CDC123: variants seen among roughly 807,000 people sequenced by gnomAD.
The protein encoded by CDC123 is cell division cycle 123, also known as translation initiation factor eIF2 assembly protein.
Under a neutral mutation model 54.4 loss-of-function variants are expected in CDC123, and 37 were observed. That is an observed-to-expected ratio of 0.68 (90% CI 0.52 to 0.89). The LOEUF is 0.89. CDC123 is among the 40% of genes least tolerant of loss of function. CDC123 has a pLI of 0.00. For missense variants in CDC123, 361 were observed against 412.1 expected (o/e 0.88, Z 1.07); for synonymous variants, 144 against 136.8 (o/e 1.05, Z -0.37).
At chr10:12,246,452 A>T in intron 11 of CDC123, 175 bp downstream of exon 11, 1 of 600,840 alleles carries the variant, frequency 1.7e-6, no homozygotes, top group Non-Finnish European at 2.8e-6. Flanking sequence ...AGGGGGCCCC[A>T]CTTAACTTTA....
intron 10 of CDC123, among the ~76,000 whole-genome samples, chr10:12,238,974 A>G (rs1836016741): frequency 6.6e-6 from 1 of 151,780 alleles, no homozygotes; most frequent in African/African-American, 2.4e-5. Context: ...TGGGCAACAG[A>G]GCGAGACTCT....
chr10:12,223,142 C>T (rs1835759971), intron 6 of CDC123, among the ~76,000 whole-genome samples: 1 of 152,060 alleles, frequency 6.6e-6, no homozygotes. Context: ...GATCCGCCCA[C>T]CTTGGTCTCC....
chr10:12,206,958 CAAA>C (rs35906839), intron 2 of CDC123, among the ~76,000 whole-genome samples: 8 of 100,906 alleles, frequency 7.9e-5, no homozygotes, highest in Non-Finnish European at 6.1e-5. Context: ...GACTCCATCT[CAAA>C]AAAAAAAAAA....
chr10:12,237,594 C>T (rs186397434), intron 9 of CDC123: 132 of 155,858 alleles, frequency 8.5e-4, no homozygotes, highest in Admixed American at 1.6e-3. Context: ...TCACCACACC[C>T]GGCTAATTTT....
At chr10:12,221,755 T>A (rs901780298) in intron 6 of CDC123, among the ~76,000 whole-genome samples, 17 of 150,730 alleles carry the variant, frequency 1.1e-4, no homozygotes, top group African/African-American at 2.4e-4. Flanking sequence ...ATTTATTTTT[T>A]AAATAAATTT....
At chr10:12,235,938 C>T (rs1004632204) in intron 8 of CDC123, among the ~76,000 whole-genome samples, 1 of 152,182 alleles carries the variant, frequency 6.6e-6, no homozygotes, top group Non-Finnish European at 1.5e-5. Flanking sequence ...GGAGCAAATT[C>T]AGGGAGTTTG....
intron 6 of CDC123, among the ~76,000 whole-genome samples, chr10:12,223,881 A>C (rs1410277067): frequency 6.6e-6 from 1 of 151,718 alleles, no homozygotes; most frequent in Non-Finnish European, 1.5e-5. Context: ...TTTTTATTTC[A>C]GTAGGTTTGG....
chr10:12,209,403 A>G (rs547386252), intron 2 of CDC123, among the ~76,000 whole-genome samples: 15 of 151,854 alleles, frequency 9.9e-5, no homozygotes, highest in Non-Finnish European at 2.1e-4. Context: ...CACCTGGATA[A>G]TTTTTAATTT....
In CDC123 at chr10:12,200,120, A is replaced by C. The variant is rs112605963; in HGVS notation, c.146+1344A>C. Among the ~76,000 whole-genome samples the C allele has an allele frequency of 5.2e-4, 31 of 59,360 alleles. 1 individual carries two copies. The highest frequency in any genetic ancestry group is 1.8e-3 in the African/African-American group (30 of 16,664). 38.9% of individuals were successfully genotyped at this position (59,360 alleles called of 152,430 possible). A position where few individuals can be genotyped will look rare whatever the true frequency, so the allele number is the denominator to read the frequency against. On this transcript the variant is annotated intron_variant, in intron 2 of 12. Coordinates refer to ENST00000281141, the MANE Select transcript of CDC123 (RefSeq NM_006023.3). Reference sequence around the variant, plus strand: ...ATAGGCCTGAGCCACCGCACTCGGCATTTTTTTTTTTTTTTTTTTTTTTAA... The same window carrying C: ...ATAGGCCTGAGCCACCGCACTCGGCCTTTTTTTTTTTTTTTTTTTTTTTAA...
intron 10 of CDC123, among the ~76,000 whole-genome samples, chr10:12,239,571 G>T (rs1836027747): frequency 6.6e-6 from 1 of 151,998 alleles, no homozygotes; most frequent in African/African-American, 2.4e-5. Context: ...AATTAGCCGG[G>T]CATGGTGGCG....
intron 12 of CDC123, 64 bp downstream of exon 12, chr10:12,249,782 A>G (rs1458048173): frequency 2.8e-5 from 42 of 1,522,418 alleles, no homozygotes; most frequent in Non-Finnish European, 3.6e-5. Context: ...ATTGGCTTTT[A>G]TATAATATTT....
At chr10:12,245,042 AC>A (rs1836112750) in intron 10 of CDC123, 1 of 152,350 alleles carries the variant, frequency 6.6e-6, no homozygotes, top group East Asian at 1.9e-4. Flanking sequence ...ACAGAAAAAA[AC>A]CCAGCATCTT....
intron 4 of CDC123, 51 bp downstream of exon 4, chr10:12,210,373 G>A: frequency 1.9e-6 from 3 of 1,607,420 alleles, no homozygotes; most frequent in Non-Finnish European, 8.5e-7. Flanking sequence ...TGTCACACAA[G>A]GGTTAGCGTC....
rs549336570 is a variant in CDC123 at position 12,221,139 on chromosome 10, CA to C, written c.440+3682del. On this transcript the variant is annotated intron_variant, in intron 6 of 12. Coordinates refer to ENST00000281141, the MANE Select transcript of CDC123 (RefSeq NM_006023.3). ...TATACTATTTTGAGGCTTGACTTGA[CA>C]AAAAAAAAATGTTACAGTCAGAATT... is the stretch of plus-strand genomic sequence containing the variant. 4.3e-3 allele frequency among the ~76,000 whole-genome samples: 624 copies of C among 144,058 alleles called. 5 individuals are homozygous for C. The highest frequency in any genetic ancestry group is 0.038 in the South Asian group (172 of 4,560). The allele number at this position is 144,058 out of a possible 152,430, so 94.5% of individuals were successfully genotyped here. A position where few individuals can be genotyped will look rare whatever the true frequency, so the allele number is the denominator to read the frequency against.
chr10:12,228,181 C>T (rs914057788), intron 6 of CDC123, among the ~76,000 whole-genome samples: 1 of 152,002 alleles, frequency 6.6e-6, no homozygotes, highest in Non-Finnish European at 1.5e-5. Flanking sequence ...GCAGTCTTCC[C>T]ACCTCAGCCT....
chr10:12,250,394 C>T lies in CDC123; in HGVS notation c.*57C>T, dbSNP rs58374213. 2.8e-4 allele frequency: 379 copies of T among 1,366,002 alleles called. 1 individual carries two copies. In the African/African-American group the frequency reaches 4.9e-3, roughly 18 times the overall value. The allele number at this position is 1,366,002 out of a possible 1,614,324, so 84.6% of individuals were successfully genotyped here. Reference sequence around the variant, plus strand: ...CCGCCCCACCGCTCCGGGAGCTGCTCATCAGCCGCAACTTCCTGCCGACCC... The same window carrying T: ...CCGCCCCACCGCTCCGGGAGCTGCTTATCAGCCGCAACTTCCTGCCGACCC... On this transcript the variant is annotated 3_prime_UTR_variant, in exon 13 of 13. Transcript: ENST00000281141.
chr10:12,228,429 G>C (rs534257934), intron 6 of CDC123, among the ~76,000 whole-genome samples: 7 of 149,226 alleles, frequency 4.7e-5, no homozygotes, highest in African/African-American at 1.7e-4. Context: ...TTTTTGAAAC[G>C]GTGTCTTACT....
At position 12,250,344 on chromosome 10, in the gene CDC123, T is replaced by C. The variant is rs908110314; in HGVS notation, c.*7T>C. ...TCAGCAGGAGGACGACTGATGAGCGTACTGGAACTGGAGAAGAGGAGGCCC... is the reference window on the plus strand; with the variant it reads ...TCAGCAGGAGGACGACTGATGAGCGCACTGGAACTGGAGAAGAGGAGGCCC... On this transcript the variant is annotated 3_prime_UTR_variant, in exon 13 of 13. Coordinates refer to ENST00000281141, the MANE Select transcript of CDC123 (RefSeq NM_006023.3). The C allele has an allele frequency of 1.2e-6, 2 of 1,603,028 alleles. No individual in the cohort carries two copies. The highest frequency in any genetic ancestry group is 1.7e-6 in the Non-Finnish European group (2 of 1,170,708).
At position 12,239,006 on chromosome 10, in the gene CDC123, A is replaced by AG. The variant is rs1430691980; in HGVS notation, c.717+521_717+522insG. ...CTCTGCCTCAAAAGAGAAAAAAAAA[A>AG]TATCCGGGCCTGGTGGTGTTTGCCT... On this transcript the variant is annotated intron_variant, in intron 10 of 12. Coordinates refer to ENST00000281141, the MANE Select transcript of CDC123 (RefSeq NM_006023.3). Among the ~76,000 whole-genome samples, 4 of 151,878 alleles carry AG rather than the reference A, an allele frequency of 2.6e-5. No individual in the cohort carries two copies. In the East Asian group the frequency reaches 7.8e-4, roughly 30 times the overall value.
Sources: allele counts gnomAD v4.1 joint callset (sites outside exome capture counted in the v4.1 genomes callset), GRCh38; gene constraint gnomAD v4.1.1; transcripts MANE v1.5; gene names NCBI Gene and HGNC (gene_info 2026-07-23, HGNC 2026-07-21).